The following FABP6 variants were observed in gnomAD, a reference collection of about 807,000 sequenced individuals.
FABP6 encodes the protein gastrotropin.
A neutral mutation model predicts 14.9 loss-of-function variants in FABP6; 13 were observed. The observed-to-expected ratio is 0.87, with a 90% CI of 0.57 to 1.39. The LOEUF (loss-of-function observed/expected upper bound fraction) is 1.39. Among genes scored for constraint, FABP6 ranks in the 40% most tolerant of loss-of-function variants. The pLI is 0.00. For synonymous variants in FABP6, 75 were observed against 63.6 expected (o/e 1.18, Z -0.85); for missense variants, 161 against 167.2 (o/e 0.96, Z 0.20).
intron 3 of FABP6, among the ~76,000 whole-genome samples, chr5:160,222,167 A>C (rs995856633): frequency 5.5e-5 from 8 of 145,402 alleles, no homozygotes; most frequent in African/African-American, 2.0e-4. Flanking sequence ...ATCATAGCTC[A>C]CTGAAGCCTC....
intron 1 of FABP6, among the ~76,000 whole-genome samples, chr5:160,230,089 G>A (rs1333329228): frequency 6.6e-6 from 1 of 151,000 alleles, no homozygotes; most frequent in Non-Finnish European, 1.5e-5. Context: ...TACCATGTTG[G>A]CCAGGCTGGT....
chr5:160,215,294 A>G (rs1759986779), intron 3 of FABP6, among the ~76,000 whole-genome samples: 1 of 152,242 alleles, frequency 6.6e-6, no homozygotes, highest in African/African-American at 2.4e-5. Context: ...TGGGCGGATC[A>G]CCTGAGGTCA....
chr5:160,205,930 C>T (rs916241600), intron 2 of FABP6, among the ~76,000 whole-genome samples: 2 of 152,322 alleles, frequency 1.3e-5, no homozygotes. Flanking sequence ...GAGATATTAA[C>T]TTGATTTATT....
At chr5:160,223,652 C>T (rs965656458) in intron 3 of FABP6, among the ~76,000 whole-genome samples, 3 of 151,416 alleles carry the variant, frequency 2.0e-5, no homozygotes, top group Admixed American at 2.0e-4. Context: ...GTCTGGAACT[C>T]CTGGGCCCAA....
chr5:160,216,826 A>G (rs1237687174), intron 3 of FABP6, among the ~76,000 whole-genome samples: 1 of 152,174 alleles, frequency 6.6e-6, no homozygotes, highest in Non-Finnish European at 1.5e-5. Flanking sequence ...TTGAGTGCTT[A>G]GCATGGTTGT....
upstream of FABP6, among the ~76,000 whole-genome samples, chr5:160,227,116 G>A (rs1312464296): frequency 1.3e-5 from 2 of 152,220 alleles, no homozygotes; most frequent in African/African-American, 2.4e-5. Flanking sequence ...ATACTCTGGA[G>A]CTGTTGAACA....
At chr5:160,206,155 T>C (rs6556480) in intron 2 of FABP6, among the ~76,000 whole-genome samples, 124,350 of 152,100 alleles carry the variant, frequency 0.82, 51,257 homozygotes, top group Non-Finnish European at 0.85. Context: ...AAAAGCAGGC[T>C]GGGCGTGGTG....
intron 1 of FABP6, among the ~76,000 whole-genome samples, chr5:160,230,030 C>T (rs1400955842): frequency 9.5e-6 from 1 of 104,758 alleles, no homozygotes; most frequent in Non-Finnish European, 1.9e-5. Context: ...TGCACCACCA[C>T]GCCCGGCTAA....
At chr5:160,203,267 G>A (rs1455809839) in intron 2 of FABP6, among the ~76,000 whole-genome samples, 1 of 152,174 alleles carries the variant, frequency 6.6e-6, no homozygotes, top group Admixed American at 6.5e-5. Context: ...AAAGTGGATT[G>A]GTTATTTCAA....
At chr5:160,230,727 C>T (rs910124347) in intron 1 of FABP6, among the ~76,000 whole-genome samples, 3 of 152,164 alleles carry the variant, frequency 2.0e-5, no homozygotes, top group Non-Finnish European at 2.9e-5. Flanking sequence ...GGGGACTCAG[C>T]GTGACTTGCC....
chr5:160,222,766 T>C (rs1396262232), intron 3 of FABP6, among the ~76,000 whole-genome samples: 1 of 152,186 alleles, frequency 6.6e-6, no homozygotes, highest in East Asian at 1.9e-4. Flanking sequence ...GGCAGGAAAG[T>C]ACCAAAGATG....
Position 160,232,023 on chromosome 5 carries a change from C to T in FABP6, c.68-75C>T. 4 of 1,533,564 alleles carry T rather than the reference C, an allele frequency of 2.6e-6. No homozygotes were observed. The South Asian group carries it at 5.0e-5, about 19-fold the overall frequency. 95.0% of individuals were successfully genotyped at this position (1,533,564 alleles called of 1,614,324 possible). On this transcript the variant is annotated intron_variant, in intron 1 of 3. Coordinates refer to ENST00000402432, the MANE Select transcript of FABP6 (RefSeq NM_001445.3). ...AAGGGGGTAGGGCGGTGGGGGTGGG[C>T]AGGAAAGCTCTTTTCCCAAACCACA...
Position 160,229,528 on chromosome 5 carries a change from C to G in FABP6, c.-30C>G, listed in dbSNP as rs1310829021. 1 of 1,613,876 alleles carries G rather than the reference C, an allele frequency of 6.2e-7. No homozygotes were observed. The highest frequency in any genetic ancestry group is 1.1e-5 in the South Asian group (1 of 91,050). On this transcript the variant is annotated 5_prime_UTR_variant, in exon 1 of 4. Coordinates refer to ENST00000402432, the MANE Select transcript of FABP6 (RefSeq NM_001445.3). Reference sequence around the variant, plus strand: ...AGCACCACCCATTCTCCTCATCCCTCTGCTCTCTGGCCTCCAGCCTCCCAG... The same window carrying G: ...AGCACCACCCATTCTCCTCATCCCTGTGCTCTCTGGCCTCCAGCCTCCCAG...
intron 1 of FABP6, among the ~76,000 whole-genome samples, chr5:160,193,778 C>T (rs1759450479): frequency 6.6e-6 from 1 of 152,236 alleles, no homozygotes; most frequent in East Asian, 1.9e-4. Flanking sequence ...AATCCCTGAG[C>T]TAGACATAAA....
intron 2 of FABP6, among the ~76,000 whole-genome samples, chr5:160,203,954 G>A (rs573922504): frequency 1.2e-4 from 18 of 152,116 alleles, no homozygotes; most frequent in South Asian, 6.2e-4. Flanking sequence ...GCCCACCTTG[G>A]CCTCCCAAAG....
intron 2 of FABP6, 21 bp downstream of exon 2, chr5:160,232,294 C>T: frequency 1.9e-6 from 3 of 1,567,514 alleles, no homozygotes; most frequent in East Asian, 4.7e-5. Flanking sequence ...ACTGGCTGTC[C>T]CCCTCCTTCC....
At chr5:160,194,452 A>C (rs1759469973) in intron 1 of FABP6, among the ~76,000 whole-genome samples, 1 of 152,216 alleles carries the variant, frequency 6.6e-6, no homozygotes, top group Non-Finnish European at 1.5e-5. Context: ...GAGGACTGCC[A>C]GCACGCTGTT....
At chr5:160,228,482 T>C (rs1400158206), upstream of FABP6, 1 of 456,166 alleles carries the variant, frequency 2.2e-6, no homozygotes, top group Non-Finnish European at 4.4e-6. Flanking sequence ...GAGGACATTC[T>C]CACAAGATGG....
intron 3 of FABP6, among the ~76,000 whole-genome samples, chr5:160,218,651 G>C (rs1760067835): frequency 6.6e-6 from 1 of 151,566 alleles, no homozygotes; most frequent in African/African-American, 2.4e-5. Flanking sequence ...AGTAGAGACG[G>C]GGTTTCGCCA....
Sources: gnomAD v4.1 joint callset for allele counts (sites outside exome capture counted in the v4.1 genomes callset) on GRCh38, gnomAD v4.1.1 for gene constraint, MANE v1.5 for transcripts, NCBI Gene and HGNC (gene_info 2026-07-23, HGNC 2026-07-21) for gene names.